The following SGSM3 variants were observed in gnomAD, a reference collection of about 807,000 sequenced individuals.
The protein encoded by SGSM3 is RUN and SH3 containing 3.
SGSM3 carries 96 observed loss-of-function variants against 100.5 expected under a neutral mutation model. That is an observed-to-expected ratio of 0.96 (90% CI 0.81 to 1.13). The LOEUF (loss-of-function observed/expected upper bound fraction) is 1.13. Ranked by LOEUF, SGSM3 falls within the 50% of genes most tolerant of loss-of-function variation. SGSM3 has a pLI of 0.00. For missense variants in SGSM3, 1,001 were observed against 1,015.8 expected, an observed-to-expected ratio of 0.99 and a Z score of 0.20; for synonymous variants, 483 against 422.8, an observed-to-expected ratio of 1.14 and a Z score of -1.75.
intron 6 of SGSM3, 49 bp downstream of exon 6, chr22:40,404,713 G>A (rs765343299): frequency 1.4e-5 from 19 of 1,342,806 alleles, no homozygotes; most frequent in South Asian, 2.4e-5. Context: ...GTGTGGGCTC[G>A]CAGGAGAGAG....
intron 1 of SGSM3, among the ~76,000 whole-genome samples, chr22:40,377,961 C>T (rs1018731164): frequency 1.3e-5 from 2 of 151,958 alleles, no homozygotes; most frequent in Non-Finnish European, 2.9e-5. Context: ...TACAAAGTAC[C>T]CCTAAAAAGA....
At chr22:40,390,053 C>T (rs2049147125) in intron 1 of SGSM3, among the ~76,000 whole-genome samples, 1 of 152,134 alleles carries the variant, frequency 6.6e-6, no homozygotes, top group Non-Finnish European at 1.5e-5. Flanking sequence ...AAACAGAACT[C>T]ATTGGCCATT....
chr22:40,407,577 G>C lies in SGSM3; in HGVS notation c.1524+9G>C, dbSNP rs757349250. 5.0e-6 allele frequency: 8 copies of C among 1,601,082 alleles called. No homozygotes were observed. The East Asian group carries it at 6.7e-5, about 13-fold the overall frequency. The stretch of plus-strand genomic sequence containing the variant: ...AGAACGACATCATCACAGTGCGTGG[G>C]GGCGCTGGACTACCAGGTCCTCAGG... On this transcript the variant is annotated intron_variant, in intron 13 of 21. Transcript: ENST00000248929. The surrounding 1 kb of genome is among the most constrained non-coding windows in gnomAD (Gnocchi z 4.7).
intron 1 of SGSM3, among the ~76,000 whole-genome samples, chr22:40,391,266 G>A (rs576509061): frequency 6.6e-6 from 1 of 152,272 alleles, no homozygotes; most frequent in Non-Finnish European, 1.5e-5. Context: ...TCAGCTGTCT[G>A]GGTTTTAGGA....
At chr22:40,408,895 G>C (rs779563552) in intron 18 of SGSM3, 38 bp from the exon 19 acceptor site, 13 of 1,613,866 alleles carry the variant, frequency 8.1e-6, no homozygotes, top group African/African-American at 1.3e-5. Flanking sequence ...GTTAGCCTGT[G>C]GGGGAGCCTG....
rs770667828 is a variant in SGSM3, at chr22:40,407,320, T to C, written c.1360T>C (p.Cys454Arg). 1 of 1,613,426 alleles carries C rather than the reference T, an allele frequency of 6.2e-7. No homozygotes were observed. The highest frequency in any genetic ancestry group is 8.5e-7 in the Non-Finnish European group (1 of 1,179,960). The change falls in exon 12 of 22, where the codon TGC becomes CGC. Residue 454 changes from cysteine to arginine, a missense_variant. Transcript: ENST00000248929. The surrounding 1 kb of genome is among the most constrained non-coding windows in gnomAD (Gnocchi z 4.7). ...CTTCCAGTGCACAGACCCCAAAAAC[T>C]GCAGCGTGGTGAGTCGCCAGCTCCC... is the stretch of plus-strand genomic sequence containing the variant. ...RHFQCTDPKN[C>R]SVELTPDYSM...
intron 10 of SGSM3, 160 bp from the exon 11 acceptor site, chr22:40,406,857 G>A (rs1483875756): frequency 1.1e-6 from 1 of 901,420 alleles, no homozygotes; most frequent in East Asian, 2.6e-5. Flanking sequence ...TCTGATCCTG[G>A]CACGGTTTGG....
chr22:40,376,484 A>G (rs1389707324), intron 1 of SGSM3: 1 of 152,162 alleles, frequency 6.6e-6, no homozygotes, highest in East Asian at 1.9e-4. Flanking sequence ...TCGAGAACTT[A>G]CAAGTTATCT....
intron 1 of SGSM3, among the ~76,000 whole-genome samples, chr22:40,393,471 A>C (rs962106295): frequency 4.6e-5 from 7 of 152,044 alleles, no homozygotes; most frequent in Admixed American, 3.9e-4. Context: ...TGATGATTCC[A>C]CTTTTCTTCT....
At chr22:40,389,381 C>A (rs1307470143) in intron 1 of SGSM3, among the ~76,000 whole-genome samples, 2 of 144,282 alleles carry the variant, frequency 1.4e-5, no homozygotes, top group Admixed American at 1.4e-4. Context: ...GGGCGGATCA[C>A]GAGGTCAGGA....
intron 1 of SGSM3, among the ~76,000 whole-genome samples, chr22:40,377,955 A>G (rs1030799730): frequency 6.6e-6 from 1 of 152,208 alleles, no homozygotes; most frequent in Non-Finnish European, 1.5e-5. Flanking sequence ...GTAGAATACA[A>G]AGTACCCCTA....
At position 40,404,425 on chromosome 22, in the gene SGSM3, G is replaced by C. The variant is rs1332896564; in HGVS notation, c.336G>C (p.Leu112=). 6.2e-7 allele frequency: 1 copy of C among 1,605,582 alleles called. No homozygotes were observed. Among genetic ancestry groups the C allele is most frequent in the Non-Finnish European group, 8.5e-7 (1 of 1,175,298 alleles). Residue 112 remains leucine, a synonymous_variant, in exon 5 of 22, where the codon CTG becomes CTC. Transcript: ENST00000248929. ...PRSEKLRSLV[L]AGIPHGMRPQ... is the part of the protein sequence containing the mutation. ...CTGAGAAGCTCCGCTCCCTGGTGCT[G>C]GCCGGCATCCCACATGGCATGAGGC...
intron 1 of SGSM3, among the ~76,000 whole-genome samples, chr22:40,394,220 A>C (rs571756301): frequency 1.3e-5 from 2 of 152,254 alleles, no homozygotes; most frequent in East Asian, 3.9e-4. Flanking sequence ...TGACATCTCC[A>C]CTTAGGAGTC....
chr22:40,402,336 T>G (rs2050860570), intron 4 of SGSM3, 131 bp downstream of exon 4: 3 of 734,878 alleles, frequency 4.1e-6, no homozygotes, highest in Admixed American at 4.0e-5. Context: ...AAGGACAGAG[T>G]GTATCTGAGG....
chr22:40,400,874 A>C, intron 2 of SGSM3, 61 bp downstream of exon 2: 1 of 1,466,788 alleles, frequency 6.8e-7, no homozygotes, highest in Non-Finnish European at 9.1e-7. Flanking sequence ...AGCCAGAGGG[A>C]TGGAAGGTGG....
intron 1 of SGSM3, among the ~76,000 whole-genome samples, chr22:40,395,243 TAAAC>T (rs2049892463): frequency 6.6e-6 from 1 of 152,134 alleles, no homozygotes; most frequent in Non-Finnish European, 1.5e-5. Context: ...CATCTCCCCA[TAAAC>T]ATAGATTTAT....
chr22:40,404,619 G>C lies in SGSM3; in HGVS notation c.429G>C (p.Glu143Asp). Residue 143 changes from glutamate to aspartate, a missense_variant, in exon 6 of 22, where the codon GAG becomes GAC. Transcript: ENST00000248929. ...KKRNSELSYR[E>D]IVKNSSNDET... ...GGAACTCTGAGCTGTCCTACCGCGAGATTGTGAAGAACAGCTCCAACGATG... is the reference window on the plus strand; with the variant it reads ...GGAACTCTGAGCTGTCCTACCGCGACATTGTGAAGAACAGCTCCAACGATG... 1 of 1,613,706 alleles carries C rather than the reference G, an allele frequency of 6.2e-7. No individual in the cohort carries two copies. The highest frequency in any genetic ancestry group is 8.5e-7 in the Non-Finnish European group (1 of 1,179,864).
At chr22:40,392,544 G>C (rs1028290781) in intron 1 of SGSM3, among the ~76,000 whole-genome samples, 8 of 152,162 alleles carry the variant, frequency 5.3e-5, no homozygotes, top group Non-Finnish European at 1.2e-4. Context: ...CAGCTCTGCA[G>C]GGGAAGAGAA....
At chr22:40,392,880 C>G (rs1271336042) in intron 1 of SGSM3, among the ~76,000 whole-genome samples, 2 of 152,180 alleles carry the variant, frequency 1.3e-5, no homozygotes, top group African/African-American at 2.4e-5. Flanking sequence ...CATCTACTTT[C>G]AGTCTTTATG....
Sources: allele counts gnomAD v4.1 joint callset (sites outside exome capture counted in the v4.1 genomes callset), GRCh38; gene constraint gnomAD v4.1.1; non-coding constraint Gnocchi (gnomAD v3.1); transcripts MANE v1.5; gene names NCBI Gene and HGNC (gene_info 2026-07-23, HGNC 2026-07-21).